AGBL4: variants seen among roughly 807,000 people sequenced by gnomAD.
AGBL4 encodes cytosolic carboxypeptidase 6.
Under a neutral mutation model 66.4 loss-of-function variants are expected in AGBL4, and 58 were observed. The ratio of observed to expected loss-of-function variants is 0.87; its 90% CI spans 0.71 to 1.09. The LOEUF (loss-of-function observed/expected upper bound fraction) is 1.09, where lower values mean the gene tolerates loss of function less well. Ranked by LOEUF, AGBL4 falls within the 50% of genes least tolerant of loss-of-function variation. The pLI is 0.00. For synonymous variants in AGBL4, 234 were observed against 222.9 expected (o/e 1.05, Z -0.44); for missense variants, 579 against 631.0 (o/e 0.92, Z 0.88).
chr1:49,315,067 C>A (rs1212274466), intron 3 of AGBL4, among the ~76,000 whole-genome samples: 1 of 151,930 alleles, frequency 6.6e-6, no homozygotes, highest in Non-Finnish European at 1.5e-5. Flanking sequence ...GATATATAGA[C>A]CAATGGAACA....
At chr1:48,954,156 C>T (rs1657236907) in intron 5 of AGBL4, among the ~76,000 whole-genome samples, 1 of 152,202 alleles carries the variant, frequency 6.6e-6, no homozygotes, top group South Asian at 2.1e-4. Context: ...CTTGCCACTT[C>T]TTTTGCCCTT....
intron 9 of AGBL4, among the ~76,000 whole-genome samples, chr1:48,596,422 T>C (rs1644995323): frequency 6.6e-6 from 1 of 152,142 alleles, no homozygotes; most frequent in African/African-American, 2.4e-5. Flanking sequence ...AAGCCCCAAA[T>C]CTATTCTTTT....
chr1:49,844,100 G>T (rs1266831232), intron 2 of AGBL4, among the ~76,000 whole-genome samples: 1 of 152,158 alleles, frequency 6.6e-6, no homozygotes, highest in Non-Finnish European at 1.5e-5. Context: ...ATACACCAAG[G>T]GTCATTTATC....
At chr1:49,130,830 G>GT (rs1352588079) in intron 4 of AGBL4, among the ~76,000 whole-genome samples, 1 of 152,002 alleles carries the variant, frequency 6.6e-6, no homozygotes, top group Non-Finnish European at 1.5e-5. Context: ...CTTTAAAGTA[G>GT]TTTTTTCCAA....
intron 3 of AGBL4, among the ~76,000 whole-genome samples, chr1:49,285,134 A>G (rs1277563109): frequency 2.6e-5 from 4 of 152,216 alleles, no homozygotes; most frequent in African/African-American, 9.7e-5. Context: ...AGCTCTCCTC[A>G]GCAAATGTAA....
intron 2 of AGBL4, chr1:49,845,072 C>A: frequency 6.9e-7 from 1 of 1,447,984 alleles, no homozygotes; most frequent in Non-Finnish European, 9.5e-7. Flanking sequence ...AAAGAGAAAC[C>A]CTACAAATGT....
At chr1:49,375,860 C>T (rs371294589) in intron 3 of AGBL4, among the ~76,000 whole-genome samples, 4 of 152,092 alleles carry the variant, frequency 2.6e-5, no homozygotes, top group Non-Finnish European at 4.4e-5. Context: ...CTGCCTTTCT[C>T]GACAGAGTCT....
At chr1:48,818,710 G>A (rs1042111007) in intron 6 of AGBL4, among the ~76,000 whole-genome samples, 8 of 151,878 alleles carry the variant, frequency 5.3e-5, no homozygotes, top group Admixed American at 1.3e-4. Context: ...GTAATATTAA[G>A]AGAAAAAAGA....
At chr1:49,283,531 C>G (rs976527559) in intron 3 of AGBL4, among the ~76,000 whole-genome samples, 1 of 152,202 alleles carries the variant, frequency 6.6e-6, no homozygotes, top group Non-Finnish European at 1.5e-5. Flanking sequence ...ATGACTTTGA[C>G]GAGCTGAGAG....
intron 2 of AGBL4, among the ~76,000 whole-genome samples, chr1:49,734,634 T>C (rs1315881010): frequency 6.6e-6 from 1 of 152,108 alleles, no homozygotes; most frequent in East Asian, 1.9e-4. Flanking sequence ...TTTGGAGAAA[T>C]TAAGATCCAA....
At chr1:49,369,116 G>C (rs1039673674) in intron 3 of AGBL4, among the ~76,000 whole-genome samples, 2 of 152,104 alleles carry the variant, frequency 1.3e-5, no homozygotes, top group Non-Finnish European at 2.9e-5. Context: ...GTGAGGTTAA[G>C]AGATGATAAG....
At chr1:49,362,345 T>A (rs1644155187) in intron 3 of AGBL4, among the ~76,000 whole-genome samples, 1 of 149,820 alleles carries the variant, frequency 6.7e-6, no homozygotes. Flanking sequence ...GAAGTAAGCA[T>A]CAGTATCTAT....
At chr1:48,834,128 G>T (rs1646622804) in intron 6 of AGBL4, among the ~76,000 whole-genome samples, 2 of 152,170 alleles carry the variant, frequency 1.3e-5, no homozygotes, top group African/African-American at 2.4e-5. Flanking sequence ...GAATAGGAAT[G>T]TCAATTCTAT....
chr1:49,438,135 C>T (rs1230522709), intron 3 of AGBL4, among the ~76,000 whole-genome samples: 1 of 152,130 alleles, frequency 6.6e-6, no homozygotes, highest in African/African-American at 2.4e-5. Flanking sequence ...TAGCTAGATG[C>T]TCTGTGCTCA....
intron 2 of AGBL4, among the ~76,000 whole-genome samples, chr1:49,824,816 T>C (rs969926420): frequency 1.3e-5 from 2 of 152,238 alleles, no homozygotes; most frequent in Non-Finnish European, 2.9e-5. Context: ...AGGTTGGTAG[T>C]GGGTAAAGTC....
At chr1:49,107,652 T>TG (rs1349172729) in intron 4 of AGBL4, among the ~76,000 whole-genome samples, 1 of 151,128 alleles carries the variant, frequency 6.6e-6, no homozygotes, top group Non-Finnish European at 1.5e-5. Context: ...TATATGCCTG[T>TG]GGGCATGTAT....
intron 2 of AGBL4, chr1:49,845,015 GA>G: frequency 3.5e-6 from 5 of 1,435,948 alleles, no homozygotes; most frequent in Non-Finnish European, 3.8e-6. Flanking sequence ...GGAACACGTG[GA>G]AAAAGGGAGA....
chr1:49,643,273 A>G (rs1645819848), intron 3 of AGBL4, among the ~76,000 whole-genome samples: 1 of 151,748 alleles, frequency 6.6e-6, no homozygotes, highest in Non-Finnish European at 1.5e-5. Context: ...AAAAACACCA[A>G]AAGAAGTTAC....
intron 4 of AGBL4, among the ~76,000 whole-genome samples, chr1:49,094,618 T>A (rs1228049260): frequency 6.6e-6 from 1 of 152,130 alleles, no homozygotes; most frequent in Admixed American, 6.6e-5. Context: ...TTTGCATCGA[T>A]GTTCATCAGG....
Sources: gnomAD v4.1 joint callset for allele counts (sites outside exome capture counted in the v4.1 genomes callset) on GRCh38, gnomAD v4.1.1 for gene constraint, MANE v1.5 for transcripts, NCBI Gene and HGNC (gene_info 2026-07-23, HGNC 2026-07-21) for gene names.